Variants in GRIK2 observed in about 807,000 individuals in gnomAD.
GRIK2 encodes the protein glutamate receptor ionotropic, kainate 2.
A neutral mutation model predicts 100.3 loss-of-function variants in GRIK2; 32 were observed. That is an observed-to-expected ratio of 0.32 (90% CI 0.24 to 0.43). GRIK2 has a LOEUF of 0.43. Ranked by LOEUF, GRIK2 falls within the 20% of genes least tolerant of loss-of-function variation. The probability of loss-of-function intolerance (pLI) is 1.00; values close to 1 mark genes in which losing one functional copy is unlikely to be tolerated. For synonymous variants in GRIK2, 417 were observed against 389.4 expected (o/e 1.07, Z -0.83); for missense variants, 843 against 1,114.9 (o/e 0.76, Z 3.47).
At chr6:101,404,781 G>T (rs2128236536) in intron 2 of GRIK2, among the ~76,000 whole-genome samples, 1 of 152,280 alleles carries the variant, frequency 6.6e-6, no homozygotes, top group South Asian at 2.1e-4. Flanking sequence ...CAAAGTGTTA[G>T]AAGTGCTTCA....
chr6:101,829,665 A>C (rs1782553272), intron 10 of GRIK2, among the ~76,000 whole-genome samples: 1 of 151,922 alleles, frequency 6.6e-6, no homozygotes, highest in South Asian at 2.1e-4. Flanking sequence ...AATATAAAGA[A>C]CCTAGGAATA....
intron 4 of GRIK2, among the ~76,000 whole-genome samples, chr6:101,649,098 G>T (rs907779688): frequency 6.6e-6 from 1 of 152,054 alleles, no homozygotes; most frequent in Non-Finnish European, 1.5e-5. Flanking sequence ...TGGGGACACA[G>T]CCAAACCATA....
chr6:101,814,244 C>A (rs2128420043), intron 9 of GRIK2, among the ~76,000 whole-genome samples: 1 of 151,828 alleles, frequency 6.6e-6, no homozygotes, highest in Non-Finnish European at 1.5e-5. Context: ...AGATAAGATT[C>A]AGTAAGAGAA....
At chr6:101,940,566 A>G (rs536310286) in intron 14 of GRIK2, among the ~76,000 whole-genome samples, 6 of 152,102 alleles carry the variant, frequency 3.9e-5, no homozygotes, top group Admixed American at 6.6e-5. Flanking sequence ...TTCTTTCCTA[A>G]TCTCAGGCCT....
rs34438783 is a variant in GRIK2, at chr6:101,733,708, CTTTTTTTT to C, written c.951+47372_951+47379del. On this transcript the variant is annotated intron_variant, in intron 7 of 16. Transcript: ENST00000369134. ...CAAATTCCTGATTTAATTCCTCTTT[CTTTTTTTT>C]TTTTTTTTTTTTTTTTGTATTTTAT... 1.6e-3 allele frequency among the ~76,000 whole-genome samples: 138 copies of C among 83,950 alleles called. 1 individual carries two copies. The highest frequency in any genetic ancestry group is 0.012 in the South Asian group (29 of 2,466). 55.1% of individuals were successfully genotyped at this position (83,950 alleles called of 152,430 possible). A position where few individuals can be genotyped will look rare whatever the true frequency, so the allele number is the denominator to read the frequency against.
chr6:101,580,446 A>T (rs1778020641), intron 2 of GRIK2, among the ~76,000 whole-genome samples: 1 of 152,062 alleles, frequency 6.6e-6, no homozygotes, highest in South Asian at 2.1e-4. Flanking sequence ...GAATCTGACC[A>T]TTTTTCACCA....
chr6:102,028,289 T>C (rs1164197919), intron 14 of GRIK2, among the ~76,000 whole-genome samples: 1 of 151,254 alleles, frequency 6.6e-6, no homozygotes, highest in Non-Finnish European at 1.5e-5. Flanking sequence ...TTGACAAAAA[T>C]ACATTATTTT....
At chr6:101,500,156 GT>G (rs752418187) in intron 2 of GRIK2, among the ~76,000 whole-genome samples, 1 of 152,038 alleles carries the variant, frequency 6.6e-6, no homozygotes, top group Non-Finnish European at 1.5e-5. Context: ...CTTAAAGTAA[GT>G]TCTATCTTAT....
intron 10 of GRIK2, among the ~76,000 whole-genome samples, chr6:101,854,301 C>A (rs1471024156): frequency 6.6e-6 from 1 of 152,102 alleles, no homozygotes. Flanking sequence ...GTTCTGTTGC[C>A]TAGGCTGGAG....
chr6:101,972,984 C>T (rs1480544280), intron 14 of GRIK2, among the ~76,000 whole-genome samples: 1 of 151,864 alleles, frequency 6.6e-6, no homozygotes. Context: ...TAGTGTGATG[C>T]CTCAAGCTTT....
At chr6:101,592,403 T>C (rs1778693067) in intron 2 of GRIK2, among the ~76,000 whole-genome samples, 1 of 151,446 alleles carries the variant, frequency 6.6e-6, no homozygotes. Context: ...CCTTATATCC[T>C]GACATCCTGG....
chr6:101,661,915 A>G (rs948187294), intron 4 of GRIK2, among the ~76,000 whole-genome samples: 1 of 152,158 alleles, frequency 6.6e-6, no homozygotes, highest in African/African-American at 2.4e-5. Flanking sequence ...CTATTCGGCC[A>G]TCTTCCCAGT....
At chr6:101,481,486 A>G (rs1185167072) in intron 2 of GRIK2, among the ~76,000 whole-genome samples, 2 of 152,176 alleles carry the variant, frequency 1.3e-5, no homozygotes, top group African/African-American at 4.8e-5. Flanking sequence ...CTAAGACAGC[A>G]TTAACAAAAC....
chr6:101,933,526 T>TTAAAAATAATATTTTCCCC (rs1420989821), intron 14 of GRIK2, among the ~76,000 whole-genome samples: 1 of 151,984 alleles, frequency 6.6e-6, no homozygotes. Flanking sequence ...CAACGTGTAA[T>TTAAAAATAATATTTTCCCC]TAAAAATAAT....
intron 12 of GRIK2, among the ~76,000 whole-genome samples, chr6:101,905,782 C>T (rs566392623): frequency 2.0e-5 from 3 of 151,184 alleles, no homozygotes; most frequent in South Asian, 4.2e-4. Flanking sequence ...TTTAATGTCT[C>T]GCTCATTCAT....
chr6:101,463,365 C>A (rs558608243), intron 2 of GRIK2, among the ~76,000 whole-genome samples: 1 of 152,184 alleles, frequency 6.6e-6, no homozygotes, highest in African/African-American at 2.4e-5. Context: ...TTAGAGAAAT[C>A]TATGGTGAAA....
chr6:101,546,014 T>C (rs1776212866), intron 2 of GRIK2, among the ~76,000 whole-genome samples: 1 of 152,056 alleles, frequency 6.6e-6, no homozygotes, highest in Admixed American at 6.6e-5. Context: ...CCCATTCATC[T>C]CTTCCATGCA....
chr6:101,469,350 A>G (rs572971474), intron 2 of GRIK2, among the ~76,000 whole-genome samples: 1 of 152,280 alleles, frequency 6.6e-6, no homozygotes, highest in African/African-American at 2.4e-5. Context: ...TTAATACAAG[A>G]CCCATGCTAG....
rs1771529209 is a variant in GRIK2, at chr6:102,057,630, CT to C, written c.2562+2053del. Among the ~76,000 whole-genome samples, 8 of 152,010 alleles carry C rather than the reference CT, an allele frequency of 5.3e-5. No homozygotes were observed. The South Asian group carries it at 1.7e-3, about 31-fold the overall frequency. ...TGAGCATTATAGTCACTTCACAATG[CT>C]TTGCACACTGTTTCTACATAGCTGC... On this transcript the variant is annotated intron_variant, in intron 16 of 16. Coordinates refer to ENST00000369134, the MANE Select transcript of GRIK2 (RefSeq NM_021956.5).
Sources: gnomAD v4.1 joint callset for allele counts (sites outside exome capture counted in the v4.1 genomes callset) on GRCh38, gnomAD v4.1.1 for gene constraint, MANE v1.5 for transcripts, NCBI Gene and HGNC (gene_info 2026-07-23, HGNC 2026-07-21) for gene names.